ARHGAP26: variants seen among roughly 807,000 people sequenced by gnomAD.
ARHGAP26 encodes Rho GTPase activating protein 26, also known as rho GTPase-activating protein 26.
Under a neutral mutation model 104.8 loss-of-function variants are expected in ARHGAP26, and 38 were observed. The ratio of observed to expected loss-of-function variants is 0.36; its 90% CI spans 0.28 to 0.48. The LOEUF (loss-of-function observed/expected upper bound fraction) is 0.48. ARHGAP26 is among the 20% of genes least tolerant of loss of function. The pLI, the probability that ARHGAP26 is intolerant of heterozygous loss-of-function variation, is 0.99. For synonymous variants in ARHGAP26, 341 were observed against 340.0 expected, an observed-to-expected ratio of 1.00 and a Z score of -0.03; for missense variants, 704 against 947.9, an observed-to-expected ratio of 0.74 and a Z score of 3.38.
chr5:143,064,924 C>T (rs1000306270), intron 17 of ARHGAP26, among the ~76,000 whole-genome samples: 2 of 152,176 alleles, frequency 1.3e-5, no homozygotes, highest in African/African-American at 4.8e-5. Flanking sequence ...TGTTAATGTT[C>T]AGCAGTCTTA....
chr5:143,143,606 C>T (rs968239479), intron 19 of ARHGAP26, among the ~76,000 whole-genome samples: 4 of 152,168 alleles, frequency 2.6e-5, no homozygotes, highest in Non-Finnish European at 4.4e-5. Context: ...AATTCAGTCA[C>T]GCAAAACTAC....
intron 11 of ARHGAP26, among the ~76,000 whole-genome samples, chr5:143,009,738 A>C (rs1426824845): frequency 6.6e-6 from 1 of 152,242 alleles, no homozygotes; most frequent in Non-Finnish European, 1.5e-5. Context: ...CTTCATATAC[A>C]ATGGTCAGTA....
At chr5:142,904,701 C>G (rs995524732) in intron 8 of ARHGAP26, among the ~76,000 whole-genome samples, 2 of 152,040 alleles carry the variant, frequency 1.3e-5, no homozygotes, top group Non-Finnish European at 2.9e-5. Flanking sequence ...AGACTTAATT[C>G]GTGTATGCAA....
At chr5:142,771,106 C>T in intron 1 of ARHGAP26, 191 bp downstream of exon 1, 1 of 1,320,372 alleles carries the variant, frequency 7.6e-7, no homozygotes, top group East Asian at 3.1e-5. Flanking sequence ...AAGAGAGAGA[C>T]CCGTCGCTCC....
intron 1 of ARHGAP26, among the ~76,000 whole-genome samples, chr5:142,841,423 C>T (rs939707835): frequency 1.3e-5 from 2 of 152,264 alleles, no homozygotes; most frequent in East Asian, 1.9e-4. Flanking sequence ...GTTACGTTTA[C>T]GGTGTAATTA....
intron 17 of ARHGAP26, among the ~76,000 whole-genome samples, chr5:143,081,289 G>C (rs1445349125): frequency 6.6e-6 from 1 of 152,192 alleles, no homozygotes; most frequent in African/African-American, 2.4e-5. Context: ...AGGAGGGTCT[G>C]GCAGTGAAGA....
At chr5:142,917,639 C>T (rs1042835433) in intron 10 of ARHGAP26, among the ~76,000 whole-genome samples, 3 of 152,134 alleles carry the variant, frequency 2.0e-5, no homozygotes, top group African/African-American at 7.2e-5. Flanking sequence ...AGGCACATGG[C>T]ACTGAATAGG....
chr5:143,037,102 A>C, intron 12 of ARHGAP26, 94 bp from the exon 13 acceptor site: 1 of 815,234 alleles, frequency 1.2e-6, no homozygotes, highest in Non-Finnish European at 2.0e-6. Context: ...ATGTGACCAC[A>C]GCATGCGATT....
intron 1 of ARHGAP26, among the ~76,000 whole-genome samples, chr5:142,848,143 T>A (rs1390834867): frequency 6.6e-6 from 1 of 152,202 alleles, no homozygotes; most frequent in Non-Finnish European, 1.5e-5. Flanking sequence ...AGAAGTTGAT[T>A]TCTGCCCACA....
rs75119897 is a variant in ARHGAP26 at position 143,183,867 on chromosome 5, G to A, written c.1989-23331G>A. Among the ~76,000 whole-genome samples the A allele has an allele frequency of 2.1e-4, 32 of 152,276 alleles. No homozygotes were observed. In the East Asian group the frequency reaches 6.2e-3, roughly 29 times the overall value. ...GATGCTGGTGGAGAATATAGTAGAA[G>A]GGACTTGGGGAAGGACTCCATTTTC... On this transcript the variant is annotated intron_variant, in intron 20 of 22. Transcript: ENST00000645722.
intron 22 of ARHGAP26, among the ~76,000 whole-genome samples, chr5:143,217,415 A>G (rs186653065): frequency 1.3e-5 from 2 of 152,364 alleles, no homozygotes; most frequent in East Asian, 1.9e-4. Context: ...CACCTCAGAC[A>G]GTAACTGGAA....
At chr5:143,098,718 A>G (rs1018128957) in intron 17 of ARHGAP26, among the ~76,000 whole-genome samples, 12 of 152,206 alleles carry the variant, frequency 7.9e-5, no homozygotes, top group African/African-American at 2.2e-4. Flanking sequence ...TAAGTATTCA[A>G]TTCCTCCGAG....
intron 10 of ARHGAP26, among the ~76,000 whole-genome samples, chr5:142,918,133 A>T (rs1489883686): frequency 6.6e-6 from 1 of 151,788 alleles, no homozygotes; most frequent in African/African-American, 2.4e-5. Flanking sequence ...ATTTTATTTT[A>T]TATTTTATTT....
chr5:143,041,764 G>T, intron 13 of ARHGAP26, 52 bp from the exon 14 acceptor site: 8 of 1,325,204 alleles, frequency 6.0e-6, no homozygotes, highest in South Asian at 2.5e-5. Context: ...GGATTGGCCT[G>T]ACTTGTGTTC....
chr5:142,947,886 G>A (rs1219245954), intron 11 of ARHGAP26, among the ~76,000 whole-genome samples: 1 of 152,146 alleles, frequency 6.6e-6, no homozygotes, highest in East Asian at 1.9e-4. Context: ...TAGGTGCAGT[G>A]GTGTACGCCT....
rs910624185 is a variant in ARHGAP26, at chr5:143,087,807, G to A, written c.1538+30060G>A. Among the ~76,000 whole-genome samples the A allele has an allele frequency of 6.6e-5, 10 of 151,726 alleles. No homozygotes were observed. In the East Asian group the frequency reaches 9.6e-4, roughly 15 times the overall value. ...TGGGATTACAGGCATGTGCCACCAC[G>A]CCTGGCTAATTTTGTATTTTTAGTA... On this transcript the variant is annotated intron_variant, in intron 17 of 22. Coordinates refer to ENST00000645722, the MANE Select transcript of ARHGAP26 (RefSeq NM_001135608.3).
chr5:143,132,225 A>T (rs1000903929), intron 18 of ARHGAP26, among the ~76,000 whole-genome samples: 1 of 152,058 alleles, frequency 6.6e-6, no homozygotes, highest in South Asian at 2.1e-4. Flanking sequence ...CCGCCAACCC[A>T]TGGAGAGCAG....
chr5:143,163,331 T>G (rs1005669469), intron 20 of ARHGAP26, among the ~76,000 whole-genome samples: 2 of 152,208 alleles, frequency 1.3e-5, no homozygotes, highest in African/African-American at 4.8e-5. Context: ...AGGCAGGGTT[T>G]CCAATAATTT....
chr5:143,169,533 G>A (rs985274445), intron 20 of ARHGAP26: 1 of 152,220 alleles, frequency 6.6e-6, no homozygotes, highest in African/African-American at 2.4e-5. Context: ...AGAAAAGAAA[G>A]AGAGAGCCTC....
Sources: gnomAD v4.1 joint callset for allele counts (sites outside exome capture counted in the v4.1 genomes callset) on GRCh38, gnomAD v4.1.1 for gene constraint, MANE v1.5 for transcripts, NCBI Gene and HGNC (gene_info 2026-07-23, HGNC 2026-07-21) for gene names.